Variants in TMEM200A observed in about 807,000 individuals in gnomAD.
TMEM200A encodes the protein transmembrane protein 200A, also known as two transmembrane C.
In TMEM200A, 12 loss-of-function variants were observed where a neutral mutation model predicts 24.3. The observed-to-expected ratio is 0.49, with a 90% CI of 0.32 to 0.80. The LOEUF (loss-of-function observed/expected upper bound fraction) is 0.80. TMEM200A is among the 30% of genes least tolerant of loss of function. The probability of loss-of-function intolerance (pLI) is 0.04; values close to 1 mark genes in which losing one functional copy is unlikely to be tolerated. For missense variants in TMEM200A, 545 were observed against 614.4 expected (o/e 0.89, Z 1.19); for synonymous variants, 224 against 224.4 (o/e 1.00, Z 0.02).
At chr6:130,381,349 C>T (rs184404595) in intron 1 of TMEM200A, among the ~76,000 whole-genome samples, 19 of 152,302 alleles carry the variant, frequency 1.2e-4, no homozygotes, top group Admixed American at 1.1e-3. Context: ...ATGATCCATC[C>T]TCTTGCCTGC....
At chr6:130,430,339 G>A (rs1048777469) in intron 2 of TMEM200A, among the ~76,000 whole-genome samples, 3 of 152,018 alleles carry the variant, frequency 2.0e-5, no homozygotes, top group Non-Finnish European at 4.4e-5. Context: ...CCACCACCTT[G>A]GGGGCTAGGA....
rs1303176312 is a variant in TMEM200A at position 130,442,824 on chromosome 6, C to T, written c.*926C>T. ...CCACATTCTATTTTCCCCCGGTATT[C>T]TTTAGATCCTAGTATTTGGAAAACA... On this transcript the variant is annotated 3_prime_UTR_variant, in exon 3 of 3. Coordinates refer to ENST00000296978, the MANE Select transcript of TMEM200A (RefSeq NM_001258277.2). 6.0e-6 allele frequency: 1 copy of T among 166,992 alleles called. No homozygotes were observed. The highest frequency in any genetic ancestry group is 2.4e-5 in the African/African-American group (1 of 41,452). 10.3% of individuals were successfully genotyped at this position (166,992 alleles called of 1,614,324 possible).
Position 130,417,995 on chromosome 6 carries a change from A to G in TMEM200A, c.-16-22412A>G, listed in dbSNP as rs901602594. On this transcript the variant is annotated intron_variant, in intron 2 of 2. Coordinates refer to ENST00000296978, the MANE Select transcript of TMEM200A (RefSeq NM_001258277.2). ...AGCAAATTAAAACCCTTGGTCATGA[A>G]TTGGGCAGGAAAAGACAGTTGCAGT... 3.9e-5 allele frequency among the ~76,000 whole-genome samples: 6 copies of G among 152,182 alleles called. 1 individual carries two copies. In the East Asian group the frequency reaches 7.7e-4, roughly 19 times the overall value.
intron 1 of TMEM200A, among the ~76,000 whole-genome samples, chr6:130,376,389 A>C (rs540693504): frequency 1.3e-5 from 2 of 152,010 alleles, no homozygotes; most frequent in East Asian, 3.9e-4. Context: ...TTATGCTGGG[A>C]CTCCACAAGT....
At chr6:130,378,757 A>C (rs898227492) in intron 1 of TMEM200A, among the ~76,000 whole-genome samples, 1 of 152,124 alleles carries the variant, frequency 6.6e-6, no homozygotes, top group Non-Finnish European at 1.5e-5. Context: ...TTGAGTAAGA[A>C]TAGCCCAGAG....
At chr6:130,395,540 G>A (rs900277805) in intron 2 of TMEM200A, among the ~76,000 whole-genome samples, 1 of 152,180 alleles carries the variant, frequency 6.6e-6, no homozygotes, top group Non-Finnish European at 1.5e-5. Context: ...AATGTTTCGG[G>A]TATGGTTGAG....
At chr6:130,365,964 C>T, upstream of TMEM200A, 1 of 973,566 alleles carries the variant, frequency 1.0e-6, no homozygotes, top group South Asian at 4.7e-5. Flanking sequence ...CCGGCCCCCG[C>T]CCCCAACCCG....
chr6:130,416,693 C>G (rs1779464218), intron 2 of TMEM200A, among the ~76,000 whole-genome samples: 1 of 152,150 alleles, frequency 6.6e-6, no homozygotes, highest in Non-Finnish European at 1.5e-5. Context: ...CTTCCTACAT[C>G]TATTTTTTGC....
At chr6:130,372,610 T>G (rs1434192947) in intron 1 of TMEM200A, among the ~76,000 whole-genome samples, 1 of 152,204 alleles carries the variant, frequency 6.6e-6, no homozygotes. Context: ...TGTAGCAGGT[T>G]CATGAAACAC....
intron 2 of TMEM200A, among the ~76,000 whole-genome samples, chr6:130,424,274 A>G (rs1302160529): frequency 6.6e-6 from 1 of 152,142 alleles, no homozygotes; most frequent in Non-Finnish European, 1.5e-5. Context: ...CATTGAACAA[A>G]TTACAGACGT....
intron 1 of TMEM200A, among the ~76,000 whole-genome samples, chr6:130,382,338 G>T (rs1778619449): frequency 6.6e-6 from 1 of 152,160 alleles, no homozygotes; most frequent in Admixed American, 6.5e-5. Flanking sequence ...CGTCTCACCT[G>T]GTTACACTTG....
At chr6:130,422,455 G>T (rs1779619618) in intron 2 of TMEM200A, among the ~76,000 whole-genome samples, 1 of 151,818 alleles carries the variant, frequency 6.6e-6, no homozygotes, top group South Asian at 2.1e-4. Flanking sequence ...TTTTAGTAGA[G>T]GGGGTTTCAC....
chr6:130,430,432 C>T (rs1779848117), intron 2 of TMEM200A, among the ~76,000 whole-genome samples: 3 of 152,024 alleles, frequency 2.0e-5, no homozygotes, highest in African/African-American at 4.8e-5. Flanking sequence ...AAAAACAGAC[C>T]GAGAAATACA....
At chr6:130,404,037 G>T (rs962175473) in intron 2 of TMEM200A, among the ~76,000 whole-genome samples, 5 of 152,142 alleles carry the variant, frequency 3.3e-5, no homozygotes, top group African/African-American at 1.2e-4. Flanking sequence ...GTATTCCATG[G>T]TGTAAATGTA....
At chr6:130,433,407 G>A (rs1779926900) in intron 2 of TMEM200A, among the ~76,000 whole-genome samples, 1 of 151,980 alleles carries the variant, frequency 6.6e-6, no homozygotes, top group Non-Finnish European at 1.5e-5. Flanking sequence ...CAAAGTTTTG[G>A]GATTACAGGC....
Position 130,441,453 on chromosome 6 carries a change from T to G in TMEM200A, c.1031T>G (p.Val344Gly), listed in dbSNP as rs1194043990. 6.2e-7 allele frequency: 1 copy of G among 1,614,082 alleles called. No individual in the cohort carries two copies. Among genetic ancestry groups the G allele is most frequent in the Non-Finnish European group, 8.5e-7 (1 of 1,179,998 alleles). The stretch of plus-strand genomic sequence containing the variant: ...GAATCCTTCCAGCCCGTCAGCACAG[T>G]GCTACCAAGGAATAATTCCATTGGG... ...TSESFQPVST[V>G]LPRNNSIGES... Residue 344 changes from valine to glycine, a missense_variant, in exon 3 of 3, where the codon GTG becomes GGG. Val to Gly is a moderately radical substitution (Grantham distance 109). Transcript: ENST00000296978.
chr6:130,414,848 C>T (rs960483450), intron 2 of TMEM200A, among the ~76,000 whole-genome samples: 3 of 152,110 alleles, frequency 2.0e-5, no homozygotes, highest in Admixed American at 6.6e-5. Flanking sequence ...GGAGGAGACA[C>T]ATCATAAACA....
chr6:130,366,063 T>C lies in TMEM200A; in HGVS notation c.-542T>C. The C allele has an allele frequency of 1.0e-6, 1 of 985,534 alleles. No individual in the cohort carries two copies. Among genetic ancestry groups the C allele is most frequent in the Non-Finnish European group, 1.2e-6 (1 of 830,114 alleles). 61.0% of individuals were successfully genotyped at this position (985,534 alleles called of 1,614,324 possible). On this transcript the variant is annotated 5_prime_UTR_variant, in exon 1 of 3. Coordinates refer to ENST00000296978, the MANE Select transcript of TMEM200A (RefSeq NM_001258277.2). This position sits in a 1 kb window ranked among gnomAD's most constrained non-coding sequence, Gnocchi z 4.4. ...TTTTCCCCTCCCGTTCCCGGTCCCT[T>C]TTGTCTTTCTTGGACGCGGTGGCGG...
intron 2 of TMEM200A, among the ~76,000 whole-genome samples, chr6:130,425,518 A>C (rs6941686): frequency 0.49 from 74,620 of 152,052 alleles, 22,467 homozygotes; most frequent in African/African-American, 0.85. Flanking sequence ...ATCCAGACAC[A>C]CCATAAATAT....
Sources: allele counts gnomAD v4.1 joint callset (sites outside exome capture counted in the v4.1 genomes callset), GRCh38; gene constraint gnomAD v4.1.1; non-coding constraint Gnocchi (gnomAD v3.1); transcripts MANE v1.5; gene names NCBI Gene and HGNC (gene_info 2026-07-23, HGNC 2026-07-21).